The following ARHGAP12 variants were observed in gnomAD, a reference collection of about 807,000 sequenced individuals.
The protein encoded by ARHGAP12 is Rho GTPase activating protein 12.
A neutral mutation model predicts 108.6 loss-of-function variants in ARHGAP12; 64 were observed. The ratio of observed to expected loss-of-function variants is 0.59; its 90% CI spans 0.48 to 0.73. The LOEUF (loss-of-function observed/expected upper bound fraction) is 0.73, where lower values mean the gene tolerates loss of function less well. ARHGAP12 is among the 30% of genes least tolerant of loss of function. ARHGAP12 has a pLI of 0.00. For synonymous variants in ARHGAP12, 312 were observed against 337.2 expected, an observed-to-expected ratio of 0.93 and a Z score of 0.82; for missense variants, 940 against 1,005.9, an observed-to-expected ratio of 0.93 and a Z score of 0.89.
In ARHGAP12 at chr10:31,861,569, TG is replaced by T; in HGVS notation, c.773del (p.Pro258HisfsTer144). On this transcript the variant is annotated frameshift_variant, in exon 4 of 20. Coordinates refer to ENST00000344936, the MANE Select transcript of ARHGAP12 (RefSeq NM_018287.7). LOFTEE classifies it high-confidence loss of function. The part of the protein sequence containing the change: ...ELKISQSALP[P>X]LPGSPAIQIN... ...TCTGAATTGCCGGGCTCCCAGGAAG[TG>T]GGGGAAGAGCAGACTGGGATATTTT... 2 of 1,614,084 alleles carry T rather than the reference TG, an allele frequency of 1.2e-6. No individual in the cohort carries two copies. Among genetic ancestry groups the T allele is most frequent in the African/African-American group, 1.3e-5 (1 of 75,010 alleles).
At chr10:31,849,207 TTC>T (rs1836579339) in intron 6 of ARHGAP12, among the ~76,000 whole-genome samples, 1 of 152,194 alleles carries the variant, frequency 6.6e-6, no homozygotes, top group Non-Finnish European at 1.5e-5. Flanking sequence ...ATGTTTTGTT[TTC>T]TCTCTCTCCA....
At chr10:31,835,966 C>T (rs2799000) in intron 9 of ARHGAP12, among the ~76,000 whole-genome samples, 77,956 of 151,868 alleles carry the variant, frequency 0.51, 20,311 homozygotes, top group African/African-American at 0.58. Flanking sequence ...TGCCACTGAA[C>T]TGTACCCTTT....
At position 31,905,445 on chromosome 10, in the gene ARHGAP12, C is replaced by G. The variant is rs74980866; in HGVS notation, c.684+2727G>C. 3.4e-4 allele frequency among the ~76,000 whole-genome samples: 52 copies of G among 152,224 alleles called. No homozygotes were observed. The East Asian group carries it at 9.5e-3, about 28-fold the overall frequency. ...AAACCATGAGTATCTTTAGCAGAAACAGTTTGGGTGGTGTGGTGGAGCCAG... is the reference window on the plus strand; with the variant it reads ...AAACCATGAGTATCTTTAGCAGAAAGAGTTTGGGTGGTGTGGTGGAGCCAG... On this transcript the variant is annotated intron_variant, in intron 3 of 19. Transcript: ENST00000344936.
chr10:31,911,582 G>C (rs527280050), intron 1 of ARHGAP12, among the ~76,000 whole-genome samples: 4 of 152,096 alleles, frequency 2.6e-5, no homozygotes, highest in Non-Finnish European at 5.9e-5. Flanking sequence ...TCAAAGTGCT[G>C]GGGCTGCAGG....
In ARHGAP12 at chr10:31,839,721, A is replaced by G. The variant is rs756008537; in HGVS notation, c.1297-10T>C. ...AGGCAGTTGGAGATTCCTACAAGAA[A>G]TAAGTAATGAAAAAAGTTACTCTAT... On this transcript the variant is annotated splice_polypyrimidine_tract_variant and intron_variant, in intron 7 of 19. Coordinates refer to ENST00000344936, the MANE Select transcript of ARHGAP12 (RefSeq NM_018287.7). The G allele has an allele frequency of 1.9e-6, 3 of 1,592,040 alleles. No homozygotes were observed. Among genetic ancestry groups the G allele is most frequent in the Middle Eastern group, 1.8e-4 (1 of 5,490 alleles).
At chr10:31,846,760 T>C (rs1467993670) in intron 6 of ARHGAP12, among the ~76,000 whole-genome samples, 1 of 152,126 alleles carries the variant, frequency 6.6e-6, no homozygotes, top group Admixed American at 6.6e-5. Flanking sequence ...GGTTTGTCTT[T>C]TGCCAAATTG....
chr10:31,868,714 T>C (rs1038942751), intron 3 of ARHGAP12, among the ~76,000 whole-genome samples: 3 of 151,696 alleles, frequency 2.0e-5, no homozygotes, highest in Admixed American at 6.6e-5. Context: ...GGCGGGAAGA[T>C]CACTTGAGCC....
chr10:31,920,740 ATAGTGT>A (rs1421228145), intron 1 of ARHGAP12, among the ~76,000 whole-genome samples: 4 of 152,200 alleles, frequency 2.6e-5, no homozygotes, highest in African/African-American at 7.2e-5. Context: ...GAGTATTTAC[ATAGTGT>A]TAGTGAGAGT....
intron 3 of ARHGAP12, among the ~76,000 whole-genome samples, chr10:31,876,882 C>T (rs1474467420): frequency 6.6e-6 from 1 of 152,154 alleles, no homozygotes; most frequent in Non-Finnish European, 1.5e-5. Flanking sequence ...CCCAAACTAG[C>T]TCTCAGTTCA....
rs761610009 is a variant in ARHGAP12 at position 31,908,179 on chromosome 10, T to C, written c.677A>G (p.Gln226Arg). 6.3e-7 allele frequency: 1 copy of C among 1,592,112 alleles called. No homozygotes were observed. Among genetic ancestry groups the C allele is most frequent in the South Asian group, 1.1e-5 (1 of 87,116 alleles). ...GDELSSSSTE[Q>R]IRATTPPNQG... is the part of the protein sequence containing the mutation. ...TTCTATTTTTAATCTTACCCTTATC[T>C]GTTCAGTGGAGCTGCTGCTAAGTTC... The change falls in exon 3 of 20, where the codon CAG (glutamine) becomes CGG (arginine). Residue 226 changes from glutamine (Q) to arginine (R), a missense_variant. Physicochemically the swap from Gln to Arg is conservative, Grantham distance 43. Transcript: ENST00000344936.
intron 3 of ARHGAP12, among the ~76,000 whole-genome samples, chr10:31,894,169 T>A (rs1346719652): frequency 1.3e-5 from 2 of 152,148 alleles, no homozygotes; most frequent in East Asian, 1.9e-4. Context: ...CTGGAAGCAT[T>A]CCCTTTGAAA....
At position 31,893,406 on chromosome 10, in the gene ARHGAP12, A is replaced by G. The variant is rs561027461; in HGVS notation, c.684+14766T>C. ...CAAATAGACGCAATAAAAAATGATA[A>G]AGGGGATATCACCACCGATCCCACA... On this transcript the variant is annotated intron_variant, in intron 3 of 19. Transcript: ENST00000344936. Among the ~76,000 whole-genome samples, 7 of 152,330 alleles carry G rather than the reference A, an allele frequency of 4.6e-5. No individual in the cohort carries two copies. The East Asian group carries it at 1.2e-3, about 25-fold the overall frequency.
chr10:31,895,215 A>C (rs1838628849), intron 3 of ARHGAP12, among the ~76,000 whole-genome samples: 1 of 152,226 alleles, frequency 6.6e-6, no homozygotes, highest in Non-Finnish European at 1.5e-5. Flanking sequence ...TAAAACACCA[A>C]AAGCAATGGC....
intron 14 of ARHGAP12, among the ~76,000 whole-genome samples, chr10:31,813,630 A>C (rs1464468495): frequency 5.1e-5 from 5 of 97,784 alleles, no homozygotes; most frequent in African/African-American, 2.6e-4. Flanking sequence ...GAAGGCCAAA[A>C]AGTTCTCAGT....
chr10:31,815,844 A>T (rs1419897869), intron 13 of ARHGAP12, among the ~76,000 whole-genome samples: 1 of 152,140 alleles, frequency 6.6e-6, no homozygotes, highest in Non-Finnish European at 1.5e-5. Context: ...TATGTATTTT[A>T]AAATTTCTTA....
At chr10:31,898,490 A>G (rs1838793435) in intron 3 of ARHGAP12, among the ~76,000 whole-genome samples, 1 of 152,184 alleles carries the variant, frequency 6.6e-6, no homozygotes, top group Admixed American at 6.5e-5. Flanking sequence ...TGACCTCGTG[A>G]TCTGCCCACC....
intron 4 of ARHGAP12, among the ~76,000 whole-genome samples, chr10:31,856,278 GAGC>G (rs963116647): frequency 1.3e-5 from 2 of 151,990 alleles, no homozygotes; most frequent in African/African-American, 4.8e-5. Context: ...GAAGAAAAAA[GAGC>G]AGCTTTCTTC....
chr10:31,892,716 T>C (rs192318866), intron 3 of ARHGAP12, among the ~76,000 whole-genome samples: 7 of 152,308 alleles, frequency 4.6e-5, no homozygotes, highest in Admixed American at 3.9e-4. Context: ...TTAACAAGCA[T>C]ATCCAGGAAT....
intron 3 of ARHGAP12, among the ~76,000 whole-genome samples, chr10:31,900,273 A>G (rs916142198): frequency 6.6e-6 from 1 of 152,220 alleles, no homozygotes; most frequent in Admixed American, 6.5e-5. Flanking sequence ...ACAAAATAGA[A>G]AAACCACTTA....
Sources: allele counts gnomAD v4.1 joint callset (sites outside exome capture counted in the v4.1 genomes callset), GRCh38; gene constraint gnomAD v4.1.1; transcripts MANE v1.5; gene names NCBI Gene and HGNC (gene_info 2026-07-23, HGNC 2026-07-21).